Variants in CCR3 observed in about 807,000 individuals in gnomAD.
CCR3 encodes C-C chemokine receptor type 3.
For synonymous variants in CCR3, 203 were observed against 179.2 expected (o/e 1.13, Z -1.06); for missense variants, 419 against 437.5 (o/e 0.96, Z 0.38).
Position 46,266,161 on chromosome 3 carries a change from A to G in CCR3, c.1003A>G (p.Lys335Glu), listed in dbSNP as rs1700630091. 1 of 1,614,088 alleles carries G rather than the reference A, an allele frequency of 6.2e-7. No individual in the cohort carries two copies. The highest frequency in any genetic ancestry group is 8.5e-7 in the Non-Finnish European group (1 of 1,179,978). ...GRYIPFLPSE[K>E]LERTSSVSPS... ...ATACATCCCATTCCTTCCTAGTGAG[A>G]AGCTGGAAAGAACCAGCTCTGTCTC... The change falls in exon 2 of 2, where the codon AAG (lysine) becomes GAG (glutamate). Residue 335 changes from lysine (K) to glutamate (E), a missense_variant. Physicochemically the swap from Lys to Glu is moderately conservative, Grantham distance 56. Coordinates refer to ENST00000395940, the MANE Select transcript of CCR3 (RefSeq NM_178329.3).
intron 1 of CCR3, among the ~76,000 whole-genome samples, chr3:46,257,413 T>A (rs1392813437): frequency 6.7e-6 from 1 of 150,374 alleles, no homozygotes; most frequent in African/African-American, 2.4e-5. Flanking sequence ...CTCATACACT[T>A]AGCTTGTCCC....
chr3:46,239,148 C>T (rs1010170437), upstream of CCR3, among the ~76,000 whole-genome samples: 1 of 152,190 alleles, frequency 6.6e-6, no homozygotes, highest in Admixed American at 6.5e-5. Flanking sequence ...TTACAAGAAT[C>T]TGCCTTATTG....
rs201001781 is a variant in CCR3 at position 46,266,069 on chromosome 3, T to C, written c.911T>C (p.Val304Ala). 13 of 1,613,942 alleles carry C rather than the reference T, an allele frequency of 8.1e-6. No individual in the cohort carries two copies. The highest frequency in any genetic ancestry group is 1.1e-5 in the South Asian group (1 of 91,072). ...ATGAACCCGGTGATCTACGCCTTTGTTGGAGAGAGGTTCCGGAAGTACCTG... is the reference window on the plus strand; with the variant it reads ...ATGAACCCGGTGATCTACGCCTTTGCTGGAGAGAGGTTCCGGAAGTACCTG... ...CCMNPVIYAF[V>A]GERFRKYLRH... is the part of the protein sequence containing the mutation. The change falls in exon 2 of 2, where the codon GTT becomes GCT. Residue 304 changes from valine (V) to alanine (A), a missense_variant. By Grantham distance (64) the Val-to-Ala change is moderately conservative. Coordinates refer to ENST00000395940, the MANE Select transcript of CCR3 (RefSeq NM_178329.3).
chr3:46,211,764 T>A (rs1699718169), intron 2 of CCR3, among the ~76,000 whole-genome samples: 1 of 152,098 alleles, frequency 6.6e-6, no homozygotes, highest in Non-Finnish European at 1.5e-5. Flanking sequence ...CACTGGTGAG[T>A]GAATACAATA....
intron 1 of CCR3, among the ~76,000 whole-genome samples, chr3:46,254,026 TA>T (rs376932902): frequency 2.4e-4 from 36 of 152,272 alleles, no homozygotes; most frequent in East Asian, 1.7e-3. Flanking sequence ...ACATAAAGTT[TA>T]AAAAGTCACA....
At chr3:46,234,587 T>C (rs35035328) in intron 2 of CCR3, among the ~76,000 whole-genome samples, 9,047 of 152,152 alleles carry the variant, frequency 0.059, 400 homozygotes, top group South Asian at 0.19. Flanking sequence ...AGTCTTGCAA[T>C]TGATGAGCAC....
intron 1 of CCR3, among the ~76,000 whole-genome samples, chr3:46,252,799 A>G (rs975874495): frequency 6.6e-6 from 1 of 152,164 alleles, no homozygotes; most frequent in Non-Finnish European, 1.5e-5. Flanking sequence ...TGTGTTTGCC[A>G]TTCATGGTGA....
chr3:46,215,509 T>C (rs1399071021), intron 2 of CCR3, among the ~76,000 whole-genome samples: 1 of 152,184 alleles, frequency 6.6e-6, no homozygotes, highest in Admixed American at 6.5e-5. Context: ...CCTGAGAGCT[T>C]ACCAGAAATG....
At chr3:46,249,747 G>A (rs1476745071) in intron 1 of CCR3, among the ~76,000 whole-genome samples, 1 of 152,168 alleles carries the variant, frequency 6.6e-6, no homozygotes, top group Admixed American at 6.5e-5. Context: ...TCTGGCACTT[G>A]TAGCAAGCTC....
chr3:46,236,565 A>T (rs1343433114), intron 2 of CCR3, among the ~76,000 whole-genome samples: 2 of 152,224 alleles, frequency 1.3e-5, no homozygotes, highest in African/African-American at 2.4e-5. Context: ...CAACTAGAGG[A>T]CTTCTTATCT....
At chr3:46,212,916 G>T (rs867506501) in intron 2 of CCR3, among the ~76,000 whole-genome samples, 6 of 152,168 alleles carry the variant, frequency 3.9e-5, no homozygotes, top group African/African-American at 1.4e-4. Context: ...AACTTCTTAG[G>T]GGGGTAGGGG....
chr3:46,266,636 A>T lies in CCR3; in HGVS notation c.*410A>T, dbSNP rs200667642. 20 of 174,944 alleles carry T rather than the reference A, an allele frequency of 1.1e-4. 1 individual carries two copies. The South Asian group carries it at 3.6e-3, about 32-fold the overall frequency. The allele number at this position is 174,944 out of a possible 1,614,324, so 10.8% of individuals were successfully genotyped here. A position where few individuals can be genotyped will look rare whatever the true frequency, so the allele number is the denominator to read the frequency against. Reference sequence around the variant, plus strand: ...AATAAGTTAACTATTTTATTTTCTAATGTGCCTAGTTCTTTCCCTGCTTAA... The same window carrying T: ...AATAAGTTAACTATTTTATTTTCTATTGTGCCTAGTTCTTTCCCTGCTTAA... On this transcript the variant is annotated 3_prime_UTR_variant, in exon 2 of 2. Transcript: ENST00000395940.
At chr3:46,260,196 G>A (rs1700497820) in intron 1 of CCR3, among the ~76,000 whole-genome samples, 1 of 152,178 alleles carries the variant, frequency 6.6e-6, no homozygotes, top group Non-Finnish European at 1.5e-5. Flanking sequence ...CATGGGGATT[G>A]TGGGTGTTAC....
At chr3:46,243,697 G>A (rs908624777) in intron 1 of CCR3, among the ~76,000 whole-genome samples, 2 of 152,164 alleles carry the variant, frequency 1.3e-5, no homozygotes, top group African/African-American at 4.8e-5. Flanking sequence ...TCCAGAAAAT[G>A]GTGATGATTA....
chr3:46,256,643 G>A (rs1231562083), intron 1 of CCR3, among the ~76,000 whole-genome samples: 3 of 152,076 alleles, frequency 2.0e-5, no homozygotes, highest in African/African-American at 7.2e-5. Flanking sequence ...ATGAGCAGAT[G>A]AATTTTATTC....
upstream of CCR3, among the ~76,000 whole-genome samples, chr3:46,241,305 C>A (rs1051055195): frequency 6.6e-6 from 1 of 152,214 alleles, no homozygotes; most frequent in Non-Finnish European, 1.5e-5. Flanking sequence ...GCATTACACT[C>A]ATTTGTCGAG....
intron 1 of CCR3, among the ~76,000 whole-genome samples, chr3:46,255,897 C>G (rs1700413600): frequency 6.6e-6 from 1 of 151,316 alleles, no homozygotes; most frequent in South Asian, 2.1e-4. Context: ...TTTTTTGGTT[C>G]CATGTGAATT....
chr3:46,250,413 G>A (rs927355781), intron 1 of CCR3, among the ~76,000 whole-genome samples: 1 of 152,112 alleles, frequency 6.6e-6, no homozygotes, highest in Non-Finnish European at 1.5e-5. Context: ...TTGGGACTGA[G>A]GGGACAGGCG....
intron 2 of CCR3, among the ~76,000 whole-genome samples, chr3:46,231,572 C>T (rs1699966512): frequency 6.6e-6 from 1 of 152,180 alleles, no homozygotes; most frequent in Non-Finnish European, 1.5e-5. Flanking sequence ...GTGCCTCTAG[C>T]TAACAACACT....
Sources: gnomAD v4.1 joint callset for allele counts (sites outside exome capture counted in the v4.1 genomes callset) on GRCh38, gnomAD v4.1.1 for gene constraint, MANE v1.5 for transcripts, NCBI Gene and HGNC (gene_info 2026-07-23, HGNC 2026-07-21) for gene names.